CELSR2: variants seen among roughly 807,000 people sequenced by gnomAD.
The protein encoded by CELSR2 is cadherin EGF LAG seven-pass G-type receptor 2.
A neutral mutation model predicts 251.6 loss-of-function variants in CELSR2; 81 were observed. The observed-to-expected ratio is 0.32, with a 90% confidence interval of 0.27 to 0.39. The LOEUF (loss-of-function observed/expected upper bound fraction) is 0.39, where lower values mean the gene tolerates loss of function less well. Among genes scored for constraint, CELSR2 ranks in the 10% least tolerant of loss-of-function variants. The pLI, the probability that CELSR2 is intolerant of heterozygous loss-of-function variation, is 1.00. For missense variants in CELSR2, 3,365 were observed against 3,947.7 expected, an observed-to-expected ratio of 0.85 and a Z score of 3.96; for synonymous variants, 1,721 against 1,670.5, an observed-to-expected ratio of 1.03 and a Z score of -0.74.
In CELSR2 at chr1:109,252,815, G is replaced by C; in HGVS notation, c.2736G>C (p.Leu912Phe). 1 of 1,614,004 alleles carries C rather than the reference G, an allele frequency of 6.2e-7. No homozygotes were observed. Among genetic ancestry groups the C allele is most frequent in the Non-Finnish European group, 8.5e-7 (1 of 1,180,014 alleles). Reference sequence around the variant, plus strand: ...CTATGGAAGTGACAGTCACTGTGTTGGATGTGAATGACAATCCCCCTGTCT... The same window carrying C: ...CTATGGAAGTGACAGTCACTGTGTTCGATGTGAATGACAATCCCCCTGTCT... ...RTPMEVTVTV[L>F]DVNDNPPVFE... Residue 912 changes from leucine to phenylalanine, a missense_variant, in exon 1 of 34, where the codon TTG becomes TTC. By Grantham distance (22) the Leu-to-Phe change is conservative. Transcript: ENST00000271332. This position sits in a 1 kb window ranked among gnomAD's most constrained non-coding sequence, Gnocchi z 4.8.
At chr1:109,271,318 C>T in intron 26 of CELSR2, 22 bp downstream of exon 26, 1 of 1,613,892 alleles carries the variant, frequency 6.2e-7, no homozygotes, top group Non-Finnish European at 8.5e-7. Context: ...GTTGGGGTGC[C>T]TGGGCCATGG....
At chr1:109,260,683 G>T (rs1471311009) in intron 2 of CELSR2, among the ~76,000 whole-genome samples, 1 of 152,174 alleles carries the variant, frequency 6.6e-6, no homozygotes, top group Non-Finnish European at 1.5e-5. Flanking sequence ...GTGCTTGGTA[G>T]TGTGACATCG....
Position 109,269,195 on chromosome 1 carries a change from G to A in CELSR2, c.6717G>A (p.Glu2239=). ...CACGGCGACAGCGACGGCACCCGGA[G>A]CTGAGCCAGGGTGAGGCTGTGGCCA... ...ELARRQRRHP[E]LSQGEAVASV... is the part of the protein sequence containing the mutation. The change falls in exon 20 of 34, where the codon GAG becomes GAA. Residue 2239 remains glutamate (E), a synonymous_variant. Transcript: ENST00000271332. This position sits in a 1 kb window ranked among gnomAD's most constrained non-coding sequence, Gnocchi z 6.4. The A allele has an allele frequency of 1.2e-6, 2 of 1,612,672 alleles. No homozygotes were observed. Among genetic ancestry groups the A allele is most frequent in the South Asian group, 1.1e-5 (1 of 91,066 alleles).
At chr1:109,260,579 G>A (rs1243714090) in intron 2 of CELSR2, among the ~76,000 whole-genome samples, 1 of 152,206 alleles carries the variant, frequency 6.6e-6, no homozygotes, top group Non-Finnish European at 1.5e-5. Context: ...CCAGTGGGAA[G>A]GAGGGAGGAG....
chr1:109,271,403 C>T lies in CELSR2; in HGVS notation c.7694C>T (p.Ser2565Phe). 1 of 1,613,946 alleles carries T rather than the reference C, an allele frequency of 6.2e-7. No individual in the cohort carries two copies. The highest frequency in any genetic ancestry group is 8.5e-7 in the Non-Finnish European group (1 of 1,180,020). Residue 2565 changes from serine (S) to phenylalanine (F), a missense_variant, in exon 27 of 34, where the codon TCC becomes TTC. Around this residue, in one of 5 missense-constraint regions of CELSR2, gnomAD observed 2,093 missense variants for 2,382.8 expected, o/e 0.88. Coordinates refer to ENST00000271332, the MANE Select transcript of CELSR2 (RefSeq NM_001408.3). The part of the protein sequence containing the change: ...KKGPVSGLQP[S>F]FAVLLLLSAT... ...ATCCCCAGCTCGGGCCTGCAGCCCT[C>T]CTTCGCCGTCCTCCTGCTGCTGAGC... is the stretch of plus-strand genomic sequence containing the variant.
chr1:109,266,781 A>G (rs1656208799), intron 15 of CELSR2, among the ~76,000 whole-genome samples: 1 of 145,012 alleles, frequency 6.9e-6, no homozygotes, highest in Non-Finnish European at 1.5e-5. Flanking sequence ...ATGCAGTGGC[A>G]TGATCTCGGC....
chr1:109,252,618 A>C lies in CELSR2; in HGVS notation c.2539A>C (p.Asn847His), dbSNP rs746574787. 1 of 1,613,902 alleles carries C rather than the reference A, an allele frequency of 6.2e-7. No individual in the cohort carries two copies. Among genetic ancestry groups the C allele is most frequent in the South Asian group, 1.1e-5 (1 of 91,084 alleles). Reference protein sequence around the residue: ...ISATDRDSGLNGRVFYTFQGG... With the variant: ...ISATDRDSGLHGRVFYTFQGG... ...AGCCACTGATCGTGATTCTGGACTT[A>C]ATGGCAGGGTCTTCTACACCTTCCA... Residue 847 changes from asparagine to histidine, a missense_variant, in exon 1 of 34, where the codon AAT becomes CAT. Coordinates refer to ENST00000271332, the MANE Select transcript of CELSR2 (RefSeq NM_001408.3). This position sits in a 1 kb window ranked among gnomAD's most constrained non-coding sequence, Gnocchi z 4.8.
In CELSR2 at chr1:109,273,147, T is replaced by TA. The variant is rs1200327301; in HGVS notation, c.8339-18dup. ...CTATCTGCCCTCTGTGGGCCTCATCTACTTCCTTTCCCCACCAGATGGGGG... is the reference window on the plus strand; with the variant it reads ...CTATCTGCCCTCTGTGGGCCTCATCTAACTTCCTTTCCCCACCAGATGGGGG... On this transcript the variant is annotated intron_variant, in intron 31 of 33. Coordinates refer to ENST00000271332, the MANE Select transcript of CELSR2 (RefSeq NM_001408.3). 1.9e-6 allele frequency: 3 copies of TA among 1,609,976 alleles called. No homozygotes were observed.
At position 109,261,946 on chromosome 1, in the gene CELSR2, G is replaced by GGCATT; in HGVS notation, c.4386+50_4386+51insGCATT. On this transcript the variant is annotated intron_variant, in intron 5 of 33. Transcript: ENST00000271332. This position sits in a 1 kb window ranked among gnomAD's most constrained non-coding sequence, Gnocchi z 4.8. ...TGGGGGTTCTGTTCTTGCCTCAGGT[G>GGCATT]CTTACCCAGCCCTGAGTGGCATTGC... 1 of 1,515,236 alleles carries GGCATT rather than the reference G, an allele frequency of 6.6e-7. No homozygotes were observed. Among genetic ancestry groups the GGCATT allele is most frequent in the East Asian group, 2.5e-5 (1 of 40,792 alleles). 93.9% of individuals were successfully genotyped at this position (1,515,236 alleles called of 1,614,324 possible).
chr1:109,266,628 G>A (rs966526791), intron 15 of CELSR2, among the ~76,000 whole-genome samples: 13 of 142,556 alleles, frequency 9.1e-5, no homozygotes, highest in African/African-American at 3.5e-4. Context: ...GGCCAGTCTG[G>A]TCTCGAACTC....
In CELSR2 at chr1:109,265,754, C is replaced by G. The variant is rs773368775; in HGVS notation, c.5747C>G (p.Pro1916Arg). 2.5e-6 allele frequency: 4 copies of G among 1,611,996 alleles called. No individual in the cohort carries two copies. Among genetic ancestry groups the G allele is most frequent in the East Asian group, 4.5e-5 (2 of 44,792 alleles). The change falls in exon 14 of 34, where the codon CCA becomes CGA. Residue 1916 changes from proline (P) to arginine (R), a missense_variant. Physicochemically the swap from Pro to Arg is moderately radical, Grantham distance 103 (BLOSUM62 -2). Transcript: ENST00000271332. ...CHCKENHYRP[P>R]GSPTCLLCDC... ...TCTCAGGAGAACCACTACCGGCCCC[C>G]AGGCAGCCCCACCTGCCTCTTGTGT...
At position 109,266,684 on chromosome 1, in the gene CELSR2, T is replaced by C. The variant is rs189534290; in HGVS notation, c.6013+478T>C. On this transcript the variant is annotated intron_variant, in intron 15 of 33. Transcript: ENST00000271332. ...CCTCGGCCTCCCAAAGTGCTGGGAT[T>C]ACAGGCGTGAGCCACTGCACCCCAC... is the stretch of plus-strand genomic sequence containing the variant. Among the ~76,000 whole-genome samples the C allele has an allele frequency of 6.7e-5, 10 of 150,102 alleles. No homozygotes were observed. In the East Asian group the frequency reaches 2.0e-3, roughly 29 times the overall value.
At chr1:109,270,260 G>A (rs1467963095) in intron 23 of CELSR2, 127 bp downstream of exon 23, 8 of 1,285,708 alleles carry the variant, frequency 6.2e-6, no homozygotes, top group Non-Finnish European at 6.6e-6. Context: ...CTGGCCCAGG[G>A]TTTCCTCTTC....
chr1:109,261,138 A>G lies in CELSR2; in HGVS notation c.4055A>G (p.Lys1352Arg), dbSNP rs750405826. Residue 1352 changes from lysine to arginine, a missense_variant, in exon 3 of 34, where the codon AAG (lysine) becomes AGG (arginine). Coordinates refer to ENST00000271332, the MANE Select transcript of CELSR2 (RefSeq NM_001408.3). The surrounding 1 kb of genome is among the most constrained non-coding windows in gnomAD (Gnocchi z 4.8). ...GTCAACCTGCTGGTGGGCGGTTTCA[A>G]GTGCGATTGCCCATCTGGAGACTTC... ...TCVNLLVGGF[K>R]CDCPSGDFEK... 5.6e-6 allele frequency: 9 copies of G among 1,614,112 alleles called. No individual in the cohort carries two copies. The Admixed American group carries it at 1.5e-4, about 27-fold the overall frequency.
At chr1:109,259,701 AG>A (rs1655965852) in intron 2 of CELSR2, among the ~76,000 whole-genome samples, 1 of 152,084 alleles carries the variant, frequency 6.6e-6, no homozygotes, top group African/African-American at 2.4e-5. Context: ...GGGGAACTGG[AG>A]GGGGTTGAGT....
chr1:109,251,632 T>A lies in CELSR2; in HGVS notation c.1553T>A (p.Val518Asp). ...TPFQATVLES[V>D]PLGYLVLHVQ... ...TTCCAGGCTACTGTCCTGGAGAGTGTCCCCTTAGGCTACCTGGTTCTCCAT... is the reference window on the plus strand; with the variant it reads ...TTCCAGGCTACTGTCCTGGAGAGTGACCCCTTAGGCTACCTGGTTCTCCAT... Residue 518 changes from valine to aspartate, a missense_variant, in exon 1 of 34, where the codon GTC becomes GAC. Coordinates refer to ENST00000271332, the MANE Select transcript of CELSR2 (RefSeq NM_001408.3). The surrounding 1 kb of genome is among the most constrained non-coding windows in gnomAD (Gnocchi z 4.9). The A allele has an allele frequency of 6.2e-7, 1 of 1,613,784 alleles. No homozygotes were observed. The highest frequency in any genetic ancestry group is 8.5e-7 in the Non-Finnish European group (1 of 1,179,866).
chr1:109,264,892 A>ATGTGTG lies in CELSR2; in HGVS notation c.5492_5497dup (p.Val1831_Cys1832dup). On this transcript the variant is annotated inframe_insertion, in exon 12 of 34. Coordinates refer to ENST00000271332, the MANE Select transcript of CELSR2 (RefSeq NM_001408.3). ...GGTTACTATGGTGACAACTGTACTA[A>ATGTGTG]TGTGTGTGACCTGAACCCGTGTGAG... The ATGTGTG allele has an allele frequency of 6.2e-7, 1 of 1,614,124 alleles. No individual in the cohort carries two copies. The highest frequency in any genetic ancestry group is 8.5e-7 in the Non-Finnish European group (1 of 1,180,016).
At chr1:109,267,521 C>G in intron 15 of CELSR2, 27 bp from the exon 16 acceptor site, 1 of 1,606,774 alleles carries the variant, frequency 6.2e-7, no homozygotes, top group Non-Finnish European at 8.5e-7. Context: ...CTCCCTGAGG[C>G]CGGCCCTTTT....
rs1570772110 is a variant in CELSR2, at chr1:109,249,734, G to C, written c.-346G>C. 6.7e-6 allele frequency among the ~76,000 whole-genome samples: 1 copy of C among 149,270 alleles called. No homozygotes were observed. Among genetic ancestry groups the C allele is most frequent in the South Asian group, 2.1e-4 (1 of 4,824 alleles). On this transcript the variant is annotated 5_prime_UTR_variant, in exon 1 of 34. Coordinates refer to ENST00000271332, the MANE Select transcript of CELSR2 (RefSeq NM_001408.3). ...TGGGCGATCCCATAGGGGCGGAGGGGGCACCCCGGCTCCGGAACCCGGGGC... is the reference window on the plus strand; with the variant it reads ...TGGGCGATCCCATAGGGGCGGAGGGCGCACCCCGGCTCCGGAACCCGGGGC...
Sources: gnomAD v4.1 joint callset for allele counts (sites outside exome capture counted in the v4.1 genomes callset) on GRCh38, gnomAD v4.1.1 for gene constraint, gnomAD v4.1.1 regional missense constraint, Gnocchi (gnomAD v3.1) non-coding constraint, MANE v1.5 for transcripts, NCBI Gene and HGNC (gene_info 2026-07-23, HGNC 2026-07-21) for gene names.